The following GMEB1 variants were observed in gnomAD, a reference collection of about 807,000 sequenced individuals.
GMEB1 encodes glucocorticoid modulatory element-binding protein 1.
A neutral mutation model predicts 52.4 loss-of-function variants in GMEB1; 6 were observed. The ratio of observed to expected loss-of-function variants is 0.11; its 90% CI spans 0.06 to 0.23. GMEB1 has a LOEUF of 0.23. Among genes scored for constraint, GMEB1 ranks in the 10% least tolerant of loss-of-function variants. GMEB1 has a pLI of 1.00. For synonymous variants in GMEB1, 255 were observed against 244.9 expected, an observed-to-expected ratio of 1.04 and a Z score of -0.38; for missense variants, 486 against 685.6, an observed-to-expected ratio of 0.71 and a Z score of 3.25.
chr1:28,673,675 A>G (rs1669005896), intron 1 of GMEB1, among the ~76,000 whole-genome samples: 1 of 152,194 alleles, frequency 6.6e-6, no homozygotes, highest in African/African-American at 2.4e-5. Context: ...TGGTGGCTAT[A>G]TAAGCAGCGA....
At chr1:28,669,114 C>T (rs1419772674) in intron 1 of GMEB1, among the ~76,000 whole-genome samples, 2 of 149,722 alleles carry the variant, frequency 1.3e-5, no homozygotes, top group Non-Finnish European at 3.0e-5. Flanking sequence ...GCCGCCGGGG[C>T]TCGGGCCCCA....
chr1:28,673,632 T>TA (rs1465598194), intron 1 of GMEB1, among the ~76,000 whole-genome samples: 2 of 152,162 alleles, frequency 1.3e-5, no homozygotes, highest in Admixed American at 1.3e-4. Flanking sequence ...AAAATGAATT[T>TA]AGAGTGGGTC....
At chr1:28,691,825 T>TTTAC (rs1669979195) in intron 4 of GMEB1, 116 bp downstream of exon 4, 5 of 197,524 alleles carry the variant, frequency 2.5e-5, no homozygotes, top group Non-Finnish European at 3.9e-5. Flanking sequence ...TATTTATTTA[T>TTTAC]TTATTTATTT....
rs116385429 is a variant in GMEB1 at position 28,697,619 on chromosome 1, A to G, written c.598+535A>G. Among the ~76,000 whole-genome samples, 873 of 152,348 alleles carry G rather than the reference A, an allele frequency of 5.7e-3. 14 individuals carry two copies. Among genetic ancestry groups the G allele is most frequent in the African/African-American group, 0.02 (833 of 41,580 alleles). Reference sequence around the variant, plus strand: ...GGAAACATGCTTTGTTTTCTTCCCAATGATTCCTATTGGTCAGACCTCCTC... The same window carrying G: ...GGAAACATGCTTTGTTTTCTTCCCAGTGATTCCTATTGGTCAGACCTCCTC... On this transcript the variant is annotated intron_variant, in intron 6 of 9. Coordinates refer to ENST00000373816, the MANE Select transcript of GMEB1 (RefSeq NM_001319674.2).
intron 7 of GMEB1, 145 bp from the exon 8 acceptor site, chr1:28,704,047 C>T: frequency 2.8e-6 from 2 of 719,884 alleles, no homozygotes; most frequent in Non-Finnish European, 4.3e-6. Context: ...ATCTAGTATT[C>T]CAAAGCTTAT....
intron 6 of GMEB1, among the ~76,000 whole-genome samples, chr1:28,702,188 A>AT (rs1670548652): frequency 6.6e-6 from 1 of 152,086 alleles, no homozygotes; most frequent in East Asian, 1.9e-4. Context: ...CTCTTTTGTG[A>AT]TTTTGTAAGT....
chr1:28,704,974 G>C (rs751465013), intron 8 of GMEB1, among the ~76,000 whole-genome samples: 1 of 151,712 alleles, frequency 6.6e-6, no homozygotes, highest in African/African-American at 2.4e-5. Context: ...CCAGCTACTT[G>C]GGAAGCTGAG....
chr1:28,679,436 C>T (rs1211448030), intron 1 of GMEB1, among the ~76,000 whole-genome samples: 1 of 152,000 alleles, frequency 6.6e-6, no homozygotes, highest in Non-Finnish European at 1.5e-5. Context: ...TCTTGGCCTC[C>T]CAAAGTATTG....
intron 6 of GMEB1, among the ~76,000 whole-genome samples, chr1:28,701,793 C>G (rs1278452528): frequency 1.3e-5 from 2 of 152,082 alleles, no homozygotes; most frequent in African/African-American, 4.8e-5. Context: ...CTCCTGGACT[C>G]AAGCAATCTG....
At chr1:28,669,128 C>A (rs931846274) in intron 1 of GMEB1, among the ~76,000 whole-genome samples, 22 of 150,386 alleles carry the variant, frequency 1.5e-4, no homozygotes, top group Admixed American at 2.6e-4. Flanking sequence ...GGCCCCAGAC[C>A]AGGGCGGCGG....
At chr1:28,673,914 G>A (rs1361142576) in intron 1 of GMEB1, among the ~76,000 whole-genome samples, 4 of 152,006 alleles carry the variant, frequency 2.6e-5, no homozygotes, top group East Asian at 1.9e-4. Context: ...TTGGGAGGCC[G>A]TGGTGGGTGG....
chr1:28,710,516 A>G lies in GMEB1; in HGVS notation c.869-4A>G. The G allele has an allele frequency of 3.1e-6, 5 of 1,596,270 alleles. No individual in the cohort carries two copies. Among genetic ancestry groups the G allele is most frequent in the Non-Finnish European group, 4.3e-6 (5 of 1,173,014 alleles). On this transcript the variant is annotated splice_region_variant and splice_polypyrimidine_tract_variant and intron_variant, in intron 8 of 9. Transcript: ENST00000373816. ...TGGACAGGCATGTCTTTTGTTTTAA[A>G]TAGATGCTGCTGTTCTCAACAATGT...
At chr1:28,696,044 G>GTTTATTTA (rs1174545089) in intron 5 of GMEB1, among the ~76,000 whole-genome samples, 1,033 of 54,652 alleles carry the variant, frequency 0.019, 5 homozygotes, top group Non-Finnish European at 0.022. Context: ...TATTTTTATT[G>GTTTATTTA]TTTGTTTATT....
rs1671291709 is a variant in GMEB1, at chr1:28,716,974, C to T, written c.*2201C>T. ...AAAATAGGTCAAAAAAGAAAGCACACACCTTAAGAGTGGGAGGAATATTTT... is the reference window on the plus strand; with the variant it reads ...AAAATAGGTCAAAAAAGAAAGCACATACCTTAAGAGTGGGAGGAATATTTT... On this transcript the variant is annotated 3_prime_UTR_variant, in exon 10 of 10. Coordinates refer to ENST00000373816, the MANE Select transcript of GMEB1 (RefSeq NM_001319674.2). 2 of 150,922 alleles carry T rather than the reference C, an allele frequency of 1.3e-5. No individual in the cohort carries two copies. The highest frequency in any genetic ancestry group is 1.3e-4 in the Admixed American group (2 of 15,146). The allele number at this position is 150,922 out of a possible 1,614,324, so 9.3% of individuals were successfully genotyped here. A position where few individuals can be genotyped will look rare whatever the true frequency, so the allele number is the denominator to read the frequency against.
At position 28,711,300 on chromosome 1, in the gene GMEB1, G is replaced by GAA. The variant is rs5773216; in HGVS notation, c.991+666_991+667dup. On this transcript the variant is annotated intron_variant, in intron 9 of 9. Coordinates refer to ENST00000373816, the MANE Select transcript of GMEB1 (RefSeq NM_001319674.2). ...AGACTCTGTCTCAAAAAAAAAAAAA[G>GAA]AAAAAAAAACCTTTAAACCGTCAGA... Among the ~76,000 whole-genome samples, 800 of 146,826 alleles carry GAA rather than the reference G, an allele frequency of 5.4e-3. 4 individuals are homozygous for GAA. Among genetic ancestry groups the GAA allele is most frequent in the African/African-American group, 0.019 (766 of 40,118 alleles).
chr1:28,672,103 A>G (rs1216384548), intron 1 of GMEB1, among the ~76,000 whole-genome samples: 1 of 149,836 alleles, frequency 6.7e-6, no homozygotes, highest in Non-Finnish European at 1.5e-5. Context: ...CAAGAGAGAA[A>G]CTCCGTCTCA....
chr1:28,670,706 C>T (rs1344009623), intron 1 of GMEB1, among the ~76,000 whole-genome samples: 4 of 152,090 alleles, frequency 2.6e-5, no homozygotes, highest in Admixed American at 6.6e-5. Context: ...ATCTCCTGAC[C>T]TTGTGATTCG....
At position 28,702,423 on chromosome 1, in the gene GMEB1, C is replaced by G. The variant is rs1330769007; in HGVS notation, c.599-15C>G. ...GTTAAATTCACTGTTCTCACCTCTACTGGACTGTTTTTAGGTAGCATCACG... is the reference window on the plus strand; with the variant it reads ...GTTAAATTCACTGTTCTCACCTCTAGTGGACTGTTTTTAGGTAGCATCACG... On this transcript the variant is annotated splice_polypyrimidine_tract_variant and intron_variant, in intron 6 of 9. Transcript: ENST00000373816. 6.2e-7 allele frequency: 1 copy of G among 1,611,440 alleles called. No homozygotes were observed. The highest frequency in any genetic ancestry group is 1.1e-5 in the South Asian group (1 of 90,986).
Position 28,692,943 on chromosome 1 carries a change from T to A in GMEB1, c.338T>A (p.Phe113Tyr), listed in dbSNP as rs1483474982. Reference sequence around the variant, plus strand: ...TTGGACTTTTCTTTTTACTTTTAGTTCAATGATCAGTTGATCAGCCCCAAG... The same window carrying A: ...TTGGACTTTTCTTTTTACTTTTAGTACAATGATCAGTTGATCAGCCCCAAG... ...CPGINVKCVK[F>Y]NDQLISPKHF... is the part of the protein sequence containing the mutation. Residue 113 changes from phenylalanine to tyrosine, a missense_variant and splice_region_variant, in exon 5 of 10, where the codon TTC becomes TAC. Coordinates refer to ENST00000373816, the MANE Select transcript of GMEB1 (RefSeq NM_001319674.2). The A allele has an allele frequency of 1.3e-6, 2 of 1,579,462 alleles. No individual in the cohort carries two copies. Among genetic ancestry groups the A allele is most frequent in the East Asian group, 2.3e-5 (1 of 44,332 alleles).
Sources: allele counts gnomAD v4.1 joint callset (sites outside exome capture counted in the v4.1 genomes callset), GRCh38; gene constraint gnomAD v4.1.1; transcripts MANE v1.5; gene names NCBI Gene and HGNC (gene_info 2026-07-23, HGNC 2026-07-21).